The following BIRC6 variants were observed in gnomAD, a reference collection of about 807,000 sequenced individuals.
BIRC6 encodes the protein dual E2 ubiquitin-conjugating enzyme/E3 ubiquitin-protein ligase BIRC6.
Under a neutral mutation model 503.3 loss-of-function variants are expected in BIRC6, and 98 were observed. That is an observed-to-expected ratio of 0.19 (90% confidence interval 0.17 to 0.23). The LOEUF (loss-of-function observed/expected upper bound fraction) is 0.23. Among genes scored for constraint, BIRC6 ranks in the 10% least tolerant of loss-of-function variants. The pLI is 1.00. For synonymous variants in BIRC6, 2,240 were observed against 2,078.7 expected, an observed-to-expected ratio of 1.08 and a Z score of -2.11; for missense variants, 5,360 against 5,806.0, an observed-to-expected ratio of 0.92 and a Z score of 2.50.
At chr2:32,449,010 A>G (rs950968178) in intron 22 of BIRC6, 82 bp downstream of exon 22, 1 of 1,358,528 alleles carries the variant, frequency 7.4e-7, no homozygotes, top group Non-Finnish European at 1.0e-6. Flanking sequence ...GATTATAGTC[A>G]TGATGTTTTG....
chr2:32,475,116 A>C (rs998031964), intron 33 of BIRC6, among the ~76,000 whole-genome samples: 2 of 148,070 alleles, frequency 1.4e-5, no homozygotes, highest in Non-Finnish European at 3.0e-5. Context: ...GTGAGCTGAT[A>C]TCACACCACT....
intron 65 of BIRC6, among the ~76,000 whole-genome samples, chr2:32,559,763 G>GT (rs1333555018): frequency 6.6e-6 from 1 of 151,446 alleles, no homozygotes; most frequent in African/African-American, 2.4e-5. Flanking sequence ...GCTCACACCT[G>GT]TAATCCCAGC....
chr2:32,387,785 A>T (rs1252987532), intron 3 of BIRC6, among the ~76,000 whole-genome samples: 2 of 152,168 alleles, frequency 1.3e-5, no homozygotes, highest in African/African-American at 4.8e-5. Flanking sequence ...ATTGTACTGG[A>T]TGAATAGGAA....
chr2:32,395,252 A>ATGCTTTAGT (rs1242788693), intron 5 of BIRC6, among the ~76,000 whole-genome samples: 165 of 152,320 alleles, frequency 1.1e-3, no homozygotes, highest in South Asian at 3.1e-3. Flanking sequence ...TAGCAATGAG[A>ATGCTTTAGT]AAAGTACTAG....
rs185731429 is a variant in BIRC6 at position 32,486,954 on chromosome 2, A to G, written c.7814-693A>G. Among the ~76,000 whole-genome samples the G allele has an allele frequency of 6.8e-3, 1,034 of 152,092 alleles. 3 individuals carry two copies. Among genetic ancestry groups the G allele is most frequent in the Admixed American group, 0.011 (162 of 15,272 alleles). Reference sequence around the variant, plus strand: ...AAAGTAACCCTTTTCTTTGTTAGACATTTCTTATTTAAAAGCACTTATTAG... The same window carrying G: ...AAAGTAACCCTTTTCTTTGTTAGACGTTTCTTATTTAAAAGCACTTATTAG... On this transcript the variant is annotated intron_variant, in intron 40 of 73. Transcript: ENST00000421745.
At chr2:32,445,416 C>T (rs2045855485) in intron 20 of BIRC6, 105 bp from the exon 21 acceptor site, 2 of 1,155,058 alleles carry the variant, frequency 1.7e-6, no homozygotes, top group African/African-American at 1.6e-5. Flanking sequence ...AAGGGAGTAT[C>T]TTTCTAGCAA....
rs999043025 is a variant in BIRC6 at position 32,501,945 on chromosome 2, T to C, written c.9207+57T>C. On this transcript the variant is annotated intron_variant, in intron 47 of 73. Coordinates refer to ENST00000421745, the MANE Select transcript of BIRC6 (RefSeq NM_016252.4). ...TCAAATAAATTTATTGCGATGTAAGTGGAAAATTACAGGACAAAGATAAAT... is the reference window on the plus strand; with the variant it reads ...TCAAATAAATTTATTGCGATGTAAGCGGAAAATTACAGGACAAAGATAAAT... 4.1e-6 allele frequency: 6 copies of C among 1,476,894 alleles called. No homozygotes were observed. In the East Asian group the frequency reaches 1.4e-4, roughly 34 times the overall value. 91.5% of individuals were successfully genotyped at this position (1,476,894 alleles called of 1,614,324 possible).
rs368587317 is a variant in BIRC6 at position 32,468,032 on chromosome 2, G to A, written c.5701G>A (p.Glu1901Lys). The A allele has an allele frequency of 6.2e-7, 1 of 1,613,922 alleles. No individual in the cohort carries two copies. Among genetic ancestry groups the A allele is most frequent in the African/African-American group, 1.3e-5 (1 of 75,048 alleles). The change falls in exon 28 of 74, where the codon GAG becomes AAG. Residue 1901 changes from glutamate (E) to lysine (K), a missense_variant. By Grantham distance (56) the Glu-to-Lys change is moderately conservative. This residue lies in a region of BIRC6 where 2,299 missense variants were observed against 2,267.2 expected (regional missense o/e 1.01). Coordinates refer to ENST00000421745, the MANE Select transcript of BIRC6 (RefSeq NM_016252.4). ...LKLMHDPLKG[E>K]GESANQPEID... ...GTTAATGCATGATCCTCTAAAGGGA[G>A]AGGGAGAATCTGCAAACCAGCCAGA...
rs187299525 is a variant in BIRC6 at position 32,504,794 on chromosome 2, A to C, written c.9500-211A>C. On this transcript the variant is annotated intron_variant, in intron 49 of 73. Transcript: ENST00000421745. ...ATGAGTACAAAGTAGACAGCAGTTA[A>C]TAATGAACTTGTCACCTTGCCAGTT... Among the ~76,000 whole-genome samples, 978 of 152,350 alleles carry C rather than the reference A, an allele frequency of 6.4e-3. 4 individuals are homozygous for C. The highest frequency in any genetic ancestry group is 9.8e-3 in the Non-Finnish European group (670 of 68,024).
chr2:32,398,207 C>T (rs1161522611), intron 6 of BIRC6, among the ~76,000 whole-genome samples: 1 of 152,228 alleles, frequency 6.6e-6, no homozygotes, highest in Middle Eastern at 3.4e-3. Flanking sequence ...CTTCTATTTA[C>T]GTACCCTAGG....
chr2:32,503,214 G>T lies in BIRC6; in HGVS notation c.9477G>T (p.Gly3159=), dbSNP rs1160635770. The T allele has an allele frequency of 6.2e-7, 1 of 1,608,082 alleles. No homozygotes were observed. Among genetic ancestry groups the T allele is most frequent in the Non-Finnish European group, 8.5e-7 (1 of 1,178,038 alleles). ...ILASEPDNAE[G]IHNFAPLGTI... ...CTTCTGAGCCTGACAATGCTGAAGGGATTCATAACTTTGCACCCCTCGGTA... is the reference window on the plus strand; with the variant it reads ...CTTCTGAGCCTGACAATGCTGAAGGTATTCATAACTTTGCACCCCTCGGTA... Residue 3159 remains glycine (G), a synonymous_variant, in exon 49 of 74, where the codon GGG becomes GGT. Coordinates refer to ENST00000421745, the MANE Select transcript of BIRC6 (RefSeq NM_016252.4).
intron 57 of BIRC6, among the ~76,000 whole-genome samples, chr2:32,521,529 C>T (rs946198446): frequency 9.9e-5 from 15 of 151,680 alleles, no homozygotes; most frequent in African/African-American, 3.4e-4. Context: ...TGTGCAGTGG[C>T]GCGATCTCGG....
chr2:32,555,977 T>C (rs1358244036), intron 65 of BIRC6, among the ~76,000 whole-genome samples: 4 of 151,996 alleles, frequency 2.6e-5, no homozygotes, highest in East Asian at 1.9e-4. Flanking sequence ...AAGTATATTT[T>C]AATAGTATTT....
At chr2:32,384,645 C>T (rs2038183364) in intron 3 of BIRC6, among the ~76,000 whole-genome samples, 1 of 152,154 alleles carries the variant, frequency 6.6e-6, no homozygotes, top group South Asian at 2.1e-4. Context: ...ATATTTGCCA[C>T]CCAACTTTGG....
intron 50 of BIRC6, chr2:32,505,456 CT>C (rs1240932499): frequency 1.3e-5 from 5 of 393,450 alleles, no homozygotes; most frequent in Admixed American, 3.8e-5. Context: ...TTCGCTTTCT[CT>C]TTTCTCTCAA....
rs892840893 is a variant in BIRC6, at chr2:32,357,639, GGGGGAC to G, written c.325+154_325+159del. 6.6e-6 allele frequency among the ~76,000 whole-genome samples: 1 copy of G among 152,182 alleles called. No individual in the cohort carries two copies. Among genetic ancestry groups the G allele is most frequent in the African/African-American group, 2.4e-5 (1 of 41,458 alleles). Reference sequence around the variant, plus strand: ...GAAGGGAGGCCCGGAAGCTGATGGAGGGGGACCTTAGGACTTGGCTTTTTCAGCGGC... The same window carrying G: ...GAAGGGAGGCCCGGAAGCTGATGGAGCTTAGGACTTGGCTTTTTCAGCGGC... On this transcript the variant is annotated intron_variant, in intron 1 of 73. Transcript: ENST00000421745. The surrounding 1 kb of genome is among the most constrained non-coding windows in gnomAD (Gnocchi z 4.9).
At position 32,512,931 on chromosome 2, in the gene BIRC6, A is replaced by G; in HGVS notation, c.10347-2A>G. 6.2e-7 allele frequency: 1 copy of G among 1,613,536 alleles called. No homozygotes were observed. The highest frequency in any genetic ancestry group is 8.5e-7 in the Non-Finnish European group (1 of 1,179,574). On this transcript the variant is annotated splice_acceptor_variant, in intron 53 of 73. Coordinates refer to ENST00000421745, the MANE Select transcript of BIRC6 (RefSeq NM_016252.4). LOFTEE classifies it high-confidence loss of function. ...TATATGAATTCGTTTTCTTCGTTTA[A>G]GAATTCAGGCCTTGTTAAAATGGGT... is the stretch of plus-strand genomic sequence containing the variant.
At chr2:32,528,089 A>G (rs1485477121) in intron 59 of BIRC6, 2 of 152,322 alleles carry the variant, frequency 1.3e-5, no homozygotes, top group African/African-American at 2.4e-5. Flanking sequence ...CATCCCCCGT[A>G]GGATCCACTT....
intron 3 of BIRC6, among the ~76,000 whole-genome samples, chr2:32,383,192 G>A (rs572665806): frequency 1.3e-4 from 19 of 151,638 alleles, no homozygotes; most frequent in Admixed American, 8.5e-4. Context: ...GATTACAGGC[G>A]CGTGCCACCA....
Sources: gnomAD v4.1 joint callset for allele counts (sites outside exome capture counted in the v4.1 genomes callset) on GRCh38, gnomAD v4.1.1 for gene constraint, gnomAD v4.1.1 regional missense constraint, Gnocchi (gnomAD v3.1) non-coding constraint, MANE v1.5 for transcripts, NCBI Gene and HGNC (gene_info 2026-07-23, HGNC 2026-07-21) for gene names.